The following KCNIP1 variants were observed in gnomAD, a reference collection of about 807,000 sequenced individuals.
KCNIP1 encodes A-type potassium channel modulatory protein KCNIP1.
KCNIP1 carries 18 observed loss-of-function variants against 33.0 expected under a neutral mutation model. The observed-to-expected ratio is 0.55, with a 90% CI of 0.38 to 0.81. The LOEUF (loss-of-function observed/expected upper bound fraction) is 0.81. Ranked by LOEUF, KCNIP1 falls within the 30% of genes least tolerant of loss-of-function variation. The pLI is 0.00. For missense variants in KCNIP1, 238 were observed against 271.6 expected, an observed-to-expected ratio of 0.88 and a Z score of 0.87; for synonymous variants, 93 against 98.3, an observed-to-expected ratio of 0.95 and a Z score of 0.32.
intron 1 of KCNIP1, among the ~76,000 whole-genome samples, chr5:170,517,352 C>T (rs943603468): frequency 1.3e-5 from 2 of 152,194 alleles, no homozygotes; most frequent in Non-Finnish European, 2.9e-5. Context: ...CCTTGTCCCT[C>T]CCCCAACATT....
At chr5:170,635,027 ATTAT>A (rs1219765056) in intron 1 of KCNIP1, among the ~76,000 whole-genome samples, 1 of 151,962 alleles carries the variant, frequency 6.6e-6, no homozygotes, top group Non-Finnish European at 1.5e-5. Flanking sequence ...TCTTTTATTT[ATTAT>A]TTATTTATTT....
intron 1 of KCNIP1, among the ~76,000 whole-genome samples, chr5:170,357,712 G>T (rs1023836370): frequency 4.6e-5 from 7 of 152,276 alleles, no homozygotes; most frequent in Admixed American, 3.3e-4. Flanking sequence ...ACTGTTTATA[G>T]AGACAGGGTC....
At chr5:170,360,541 G>A (rs1232648441) in intron 1 of KCNIP1, among the ~76,000 whole-genome samples, 2 of 152,194 alleles carry the variant, frequency 1.3e-5, no homozygotes, top group Admixed American at 1.3e-4. Context: ...ATACGACCTT[G>A]GATTTGTAGC....
chr5:170,394,221 C>G (rs1754693224), intron 1 of KCNIP1, among the ~76,000 whole-genome samples: 1 of 152,240 alleles, frequency 6.6e-6, no homozygotes, highest in South Asian at 2.1e-4. Flanking sequence ...TAGCCACTCT[C>G]CGCGCCTCCT....
chr5:170,712,896 A>G, intron 1 of KCNIP1: 1 of 1,611,760 alleles, frequency 6.2e-7, no homozygotes, highest in Non-Finnish European at 8.5e-7. Context: ...GGTAAAAAAC[A>G]GTTTAAACTA....
At chr5:170,535,706 A>G (rs1755959567) in intron 1 of KCNIP1, among the ~76,000 whole-genome samples, 1 of 152,178 alleles carries the variant, frequency 6.6e-6, no homozygotes, top group Non-Finnish European at 1.5e-5. Context: ...CTAAGCAAAC[A>G]CCTGCTTTGA....
intron 1 of KCNIP1, among the ~76,000 whole-genome samples, chr5:170,551,962 GTA>G (rs1756660509): frequency 6.6e-6 from 1 of 151,580 alleles, no homozygotes; most frequent in Admixed American, 6.6e-5. Context: ...CTGAGTGTGT[GTA>G]TGTGTTTGAG....
At chr5:170,662,215 T>G (rs1761526650) in intron 1 of KCNIP1, among the ~76,000 whole-genome samples, 1 of 152,298 alleles carries the variant, frequency 6.6e-6, no homozygotes, top group East Asian at 1.9e-4. Flanking sequence ...TAGTTTTAGT[T>G]TATTTGGGGT....
intron 1 of KCNIP1, among the ~76,000 whole-genome samples, chr5:170,718,084 A>G (rs1187529746): frequency 6.6e-6 from 1 of 152,216 alleles, no homozygotes; most frequent in African/African-American, 2.4e-5. Context: ...CTTATATTAC[A>G]TTATAGTCCA....
At chr5:170,420,014 T>C (rs1457970273) in intron 1 of KCNIP1, among the ~76,000 whole-genome samples, 1 of 152,176 alleles carries the variant, frequency 6.6e-6, no homozygotes, top group Non-Finnish European at 1.5e-5. Context: ...CCGCCCACTG[T>C]TTCTCTTCTC....
At chr5:170,568,759 G>A (rs1757293310) in intron 1 of KCNIP1, among the ~76,000 whole-genome samples, 1 of 151,632 alleles carries the variant, frequency 6.6e-6, no homozygotes, top group South Asian at 2.1e-4. Context: ...AGAGGTGGAG[G>A]TTGCAGTGAG....
upstream of KCNIP1, among the ~76,000 whole-genome samples, chr5:170,502,519 G>A (rs550500079): frequency 3.9e-5 from 6 of 152,148 alleles, no homozygotes; most frequent in South Asian, 2.1e-4. Flanking sequence ...CTGTGTGTGC[G>A]TCTGCATGCC....
intron 1 of KCNIP1, among the ~76,000 whole-genome samples, chr5:170,363,949 A>G (rs1763585813): frequency 6.6e-6 from 1 of 151,418 alleles, no homozygotes; most frequent in African/African-American, 2.4e-5. Flanking sequence ...TCCTCATATA[A>G]GTGAGTCATG....
At chr5:170,551,721 G>A (rs1303016952) in intron 1 of KCNIP1, among the ~76,000 whole-genome samples, 2 of 151,868 alleles carry the variant, frequency 1.3e-5, no homozygotes, top group African/African-American at 2.4e-5. Context: ...CTGTGTATAT[G>A]AGTGCATGTG....
intron 1 of KCNIP1, among the ~76,000 whole-genome samples, chr5:170,581,837 A>G (rs995303159): frequency 6.6e-6 from 1 of 152,248 alleles, no homozygotes; most frequent in Non-Finnish European, 1.5e-5. Flanking sequence ...ACTGTCAAGA[A>G]GCATGGATCC....
At chr5:170,670,576 C>T (rs545438215) in intron 1 of KCNIP1, among the ~76,000 whole-genome samples, 3 of 152,282 alleles carry the variant, frequency 2.0e-5, no homozygotes, top group East Asian at 1.9e-4. Flanking sequence ...GAGCTTCCCC[C>T]AGCAGGAGCT....
intron 1 of KCNIP1, among the ~76,000 whole-genome samples, chr5:170,541,351 T>A (rs975238855): frequency 2.6e-5 from 4 of 152,190 alleles, no homozygotes; most frequent in Non-Finnish European, 5.9e-5. Flanking sequence ...TCTGCCCCAA[T>A]CATTTCTCAG....
At chr5:170,615,580 G>A (rs1759335106) in intron 1 of KCNIP1, among the ~76,000 whole-genome samples, 1 of 152,174 alleles carries the variant, frequency 6.6e-6, no homozygotes. Flanking sequence ...AATCCCAGCA[G>A]CCTGGGCTTT....
At position 170,394,280 on chromosome 5, in the gene KCNIP1, C is replaced by T. The variant is rs530065913; in HGVS notation, c.88+40316C>T. Among the ~76,000 whole-genome samples, 195 of 152,328 alleles carry T rather than the reference C, an allele frequency of 1.3e-3. 2 individuals are homozygous for T. Among genetic ancestry groups the T allele is most frequent in the African/African-American group, 4.5e-3 (189 of 41,572 alleles). Reference sequence around the variant, plus strand: ...CGCATGCTGGGAGCACCGCATGCCTCTTCTGCAGAACACTTCCTCCGCCTG... The same window carrying T: ...CGCATGCTGGGAGCACCGCATGCCTTTTCTGCAGAACACTTCCTCCGCCTG... On this transcript the variant is annotated intron_variant, in intron 1 of 7. Coordinates refer to the KCNIP1 transcript ENST00000377360.
Sources: gnomAD v4.1 joint callset for allele counts (sites outside exome capture counted in the v4.1 genomes callset) on GRCh38, gnomAD v4.1.1 for gene constraint, MANE v1.5 for transcripts, NCBI Gene and HGNC (gene_info 2026-07-23, HGNC 2026-07-21) for gene names.